Variants in EPHX1 observed in about 807,000 individuals in gnomAD.
EPHX1 encodes epoxide hydratase.
EPHX1 carries 40 observed loss-of-function variants against 43.2 expected under a neutral mutation model. That is an observed-to-expected ratio of 0.93 (90% CI 0.72 to 1.21). The LOEUF is 1.21. Among genes scored for constraint, EPHX1 ranks in the 50% most tolerant of loss-of-function variants. EPHX1 has a pLI of 0.00. For missense variants in EPHX1, 550 were observed against 570.4 expected, an observed-to-expected ratio of 0.96 and a Z score of 0.36; for synonymous variants, 221 against 226.7, an observed-to-expected ratio of 0.98 and a Z score of 0.22.
intron 1 of EPHX1, among the ~76,000 whole-genome samples, chr1:225,825,136 G>T (rs1667169131): frequency 6.6e-6 from 1 of 152,190 alleles, no homozygotes; most frequent in Non-Finnish European, 1.5e-5. Context: ...CCATCATAAT[G>T]CCCCTTGTCC....
At chr1:225,842,331 C>A in intron 6 of EPHX1, 35 bp from the exon 7 acceptor site, 3 of 1,463,620 alleles carry the variant, frequency 2.0e-6, no homozygotes, top group Non-Finnish European at 2.9e-6. Flanking sequence ...GGTCCCCAGG[C>A]CTGAGTCTCT....
intron 6 of EPHX1, among the ~76,000 whole-genome samples, chr1:225,840,341 G>A (rs1371537696): frequency 6.6e-6 from 1 of 152,206 alleles, no homozygotes; most frequent in East Asian, 1.9e-4. Context: ...TGGAGGGGGT[G>A]AGGTAGGAGG....
In EPHX1 at chr1:225,838,645, TC is replaced by T. The variant is rs1213480556; in HGVS notation, c.365-3del. 6 of 1,611,294 alleles carry T rather than the reference TC, an allele frequency of 3.7e-6. No homozygotes were observed. In the East Asian group the frequency reaches 8.9e-5, roughly 24 times the overall value. On this transcript the variant is annotated splice_polypyrimidine_tract_variant and splice_region_variant and intron_variant, in intron 3 of 8. Transcript: ENST00000272167. ...CTCCCTCCACCCTGACTGTGCTCTGTCCCCCCAGGGCTGGACATCCACTTCA... is the reference window on the plus strand; with the variant it reads ...CTCCCTCCACCCTGACTGTGCTCTGTCCCCCAGGGCTGGACATCCACTTCA...
rs1330270402 is a variant in EPHX1, at chr1:225,828,640, AG to A, written c.-5-84del. The A allele has an allele frequency of 2.5e-5, 35 of 1,409,090 alleles. No individual in the cohort carries two copies. The Admixed American group carries it at 6.0e-4, about 24-fold the overall frequency. The allele number at this position is 1,409,090 out of a possible 1,614,324, so 87.3% of individuals were successfully genotyped here. On this transcript the variant is annotated intron_variant, in intron 1 of 8. Coordinates refer to ENST00000272167, the MANE Select transcript of EPHX1 (RefSeq NM_001136018.4). ...GGACAGGGTTGGAGCGCAGCAGGAA[AG>A]AGCCTGCTGGGGATCAGAGTCTCTG... is the stretch of plus-strand genomic sequence containing the variant.
At chr1:225,830,447 C>T (rs536390233) in intron 2 of EPHX1, among the ~76,000 whole-genome samples, 9 of 152,246 alleles carry the variant, frequency 5.9e-5, no homozygotes, top group Admixed American at 2.6e-4. Flanking sequence ...ATGAGACTTG[C>T]ACCCTCTCTC....
intron 7 of EPHX1, among the ~76,000 whole-genome samples, chr1:225,843,995 G>T (rs1030821053): frequency 1.2e-4 from 18 of 152,182 alleles, no homozygotes; most frequent in South Asian, 6.2e-4. Context: ...TGGAAGGTGG[G>T]GTGGGGGCTG....
chr1:225,824,679 AGACG>A (rs1472331057), intron 1 of EPHX1, among the ~76,000 whole-genome samples: 1 of 152,232 alleles, frequency 6.6e-6, no homozygotes, highest in African/African-American at 2.4e-5. Context: ...CCGACAAAGC[AGACG>A]GGGGGGTGTG....
At chr1:225,816,375 G>T (rs1410082295) in intron 1 of EPHX1, among the ~76,000 whole-genome samples, 2 of 152,150 alleles carry the variant, frequency 1.3e-5, no homozygotes, top group African/African-American at 4.8e-5. Flanking sequence ...GACTGAAATT[G>T]CATAGAGGGC....
In EPHX1 at chr1:225,831,953, A is replaced by G. The variant is rs942988538; in HGVS notation, c.358A>G (p.Ile120Val). The G allele has an allele frequency of 1.9e-6, 3 of 1,613,890 alleles. No homozygotes were observed. Among genetic ancestry groups the G allele is most frequent in the Non-Finnish European group, 2.5e-6 (3 of 1,179,952 alleles). ...CAGATACCCTCACTTCAAGACTAAG[A>G]TTGAAGGTATGTTTGCAAAACGCCA... is the stretch of plus-strand genomic sequence containing the variant. ...LNRYPHFKTK[I>V]EGLDIHFIHV... Residue 120 changes from isoleucine (I) to valine (V), a missense_variant, in exon 3 of 9, where the codon ATT (isoleucine) becomes GTT (valine). Physicochemically the swap from Ile to Val is conservative, Grantham distance 29. Transcript: ENST00000272167.
At chr1:225,823,969 G>T (rs1667105756) in intron 1 of EPHX1, among the ~76,000 whole-genome samples, 1 of 152,162 alleles carries the variant, frequency 6.6e-6, no homozygotes, top group African/African-American at 2.4e-5. Flanking sequence ...TGGCGAGGGA[G>T]CCCAGAGGCC....
intron 6 of EPHX1, among the ~76,000 whole-genome samples, chr1:225,841,549 G>A (rs1422396261): frequency 6.7e-6 from 1 of 150,038 alleles, no homozygotes; most frequent in African/African-American, 2.5e-5. Flanking sequence ...CTCCCAAAGT[G>A]CTGGGATTAC....
intron 3 of EPHX1, among the ~76,000 whole-genome samples, chr1:225,832,470 G>C (rs948079670): frequency 6.6e-6 from 1 of 152,244 alleles, no homozygotes; most frequent in Non-Finnish European, 1.5e-5. Flanking sequence ...AGGAGGCGGA[G>C]GTTGCAGTGA....
At chr1:225,839,463 G>A in intron 5 of EPHX1, 117 bp downstream of exon 5, 3 of 1,531,720 alleles carry the variant, frequency 2.0e-6, no homozygotes, top group Non-Finnish European at 2.6e-6. Context: ...AGAGGAGGGA[G>A]TGTGACCTGT....
chr1:225,839,489 G>A, intron 5 of EPHX1, 143 bp downstream of exon 5: 1 of 1,477,848 alleles, frequency 6.8e-7, no homozygotes, highest in Non-Finnish European at 9.0e-7. Flanking sequence ...AGCAGTGCCT[G>A]AGGCACGTTG....
intron 1 of EPHX1, among the ~76,000 whole-genome samples, chr1:225,812,150 G>A (rs773747526): frequency 5.3e-5 from 8 of 152,062 alleles, no homozygotes; most frequent in Non-Finnish European, 1.0e-4. Context: ...GCAGAGTGTG[G>A]GTCAAGCTGA....
intron 7 of EPHX1, among the ~76,000 whole-genome samples, chr1:225,843,277 A>C (rs1229327644): frequency 6.6e-6 from 1 of 152,180 alleles, no homozygotes; most frequent in African/African-American, 2.4e-5. Flanking sequence ...GCCTTGGAGG[A>C]TAAGTAGGAG....
At chr1:225,838,412 G>T (rs4653693) in intron 3 of EPHX1, among the ~76,000 whole-genome samples, 1 of 152,172 alleles carries the variant, frequency 6.6e-6, no homozygotes, top group Non-Finnish European at 1.5e-5. Context: ...TAAGGAAACC[G>T]GGAGGCAATA....
At position 225,839,906 on chromosome 1, in the gene EPHX1, G is replaced by A. The variant is rs371279887; in HGVS notation, c.800G>A (p.Arg267His). 1.6e-5 allele frequency: 26 copies of A among 1,614,226 alleles called. 1 individual carries two copies. Among genetic ancestry groups the A allele is most frequent in the African/African-American group, 1.1e-4 (8 of 75,068 alleles). ...ACCCTGACCCTCCTCCTGGGACAGC[G>A]TTTCGGGAGGTTTCTTGGCCTCACT... ...FSTLTLLLGQ[R>H]FGRFLGLTER... Residue 267 changes from arginine to histidine, a missense_variant, in exon 6 of 9, where the codon CGT (arginine) becomes CAT (histidine). Physicochemically the swap from Arg to His is conservative, Grantham distance 29. Coordinates refer to ENST00000272167, the MANE Select transcript of EPHX1 (RefSeq NM_001136018.4).
At chr1:225,837,665 C>T (rs995999583) in intron 3 of EPHX1, among the ~76,000 whole-genome samples, 1 of 152,042 alleles carries the variant, frequency 6.6e-6, no homozygotes, top group Non-Finnish European at 1.5e-5. Context: ...TTGCAGGCGC[C>T]TGTCAGCATG....
Sources: allele counts gnomAD v4.1 joint callset (sites outside exome capture counted in the v4.1 genomes callset), GRCh38; gene constraint gnomAD v4.1.1; transcripts MANE v1.5; gene names NCBI Gene and HGNC (gene_info 2026-07-23, HGNC 2026-07-21).